PVT1: variants seen among roughly 807,000 people sequenced by gnomAD.
PVT1 encodes the protein CXCR4/PVT1 fusion.
intron 3 of PVT1, among the ~76,000 whole-genome samples, chr8:127,965,178 A>G (rs1235087078): frequency 1.3e-5 from 2 of 152,236 alleles, no homozygotes; most frequent in Non-Finnish European, 2.9e-5. Context: ...TGAGAAATAT[A>G]TACATATTTT....
intron 2 of PVT1, among the ~76,000 whole-genome samples, chr8:127,845,611 A>T (rs900382076): frequency 6.6e-6 from 1 of 152,234 alleles, no homozygotes; most frequent in Non-Finnish European, 1.5e-5. Context: ...AGCAGACTCA[A>T]CATTATTGTC....
At chr8:127,809,052 A>AAAAAAAAAAAAAAAAAAAAAAAAAAAAG (rs1554588311) in intron 2 of PVT1, among the ~76,000 whole-genome samples, 3 of 135,022 alleles carry the variant, frequency 2.2e-5, no homozygotes, top group African/African-American at 6.1e-5. Flanking sequence ...AAAAAAAAAA[A>AAAAAAAAAAAAAAAAAAAAAAAAAAAAG]AAAGAAAGAA....
At position 128,027,716 on chromosome 8, in the gene PVT1, C is replaced by T. The variant is rs1586487671; in HGVS notation, n.912+38425C>T. On this transcript the variant is annotated intron_variant and non_coding_transcript_variant, in intron 4 of 10. Coordinates refer to ENST00000651587, the Ensembl canonical transcript of PVT1. ...AAGGTAGGGGCCCTGGTGTTCTGGC[C>T]CCCAGCTAGGTTCTCAGCACTACTG... Among the ~76,000 whole-genome samples the T allele has an allele frequency of 2.0e-5, 3 of 152,168 alleles. No individual in the cohort carries two copies. In the South Asian group the frequency reaches 6.2e-4, roughly 31 times the overall value.
chr8:127,863,129 C>T (rs952105195), intron 2 of PVT1, among the ~76,000 whole-genome samples: 45 of 123,372 alleles, frequency 3.6e-4, no homozygotes, highest in African/African-American at 6.1e-4. Flanking sequence ...TTTATTTTTC[C>T]GAGACCGTGT....
At chr8:127,932,757 T>TGATA (rs10675634) in intron 3 of PVT1, 290,540 of 344,526 alleles carry the variant, frequency 0.84, 123,173 homozygotes, top group Middle Eastern at 0.95. Context: ...CTCAATAAGC[T>TGATA]GATATATAGT....
intron 3 of PVT1, among the ~76,000 whole-genome samples, chr8:127,907,932 G>A (rs1815842891): frequency 1.3e-5 from 2 of 152,126 alleles, no homozygotes; most frequent in Admixed American, 1.3e-4. Flanking sequence ...CTTCCTGATT[G>A]TGTTTCCCTC....
chr8:127,983,045 T>G (rs1816902602), intron 3 of PVT1, among the ~76,000 whole-genome samples: 1 of 152,218 alleles, frequency 6.6e-6, no homozygotes, highest in South Asian at 2.1e-4. Context: ...GGCTCGGCCT[T>G]ACAGTGCGTG....
Position 127,984,921 on chromosome 8 carries a change from CT to C in PVT1, n.783-4240del, listed in dbSNP as rs1563657661. Reference sequence around the variant, plus strand: ...TCTTTCTTTCTTTCTTTCTTTCTTTCTCTTTCTCTTTCTTTCTTTCTTTCCC... The same window carrying C: ...TCTTTCTTTCTTTCTTTCTTTCTTTCCTTTCTCTTTCTTTCTTTCTTTCCC... On this transcript the variant is annotated intron_variant and non_coding_transcript_variant, in intron 3 of 10. Coordinates refer to ENST00000651587, the Ensembl canonical transcript of PVT1. 1.7e-3 allele frequency among the ~76,000 whole-genome samples: 192 copies of C among 112,294 alleles called. 3 individuals carry two copies. The highest frequency in any genetic ancestry group is 2.5e-3 in the Admixed American group (29 of 11,728). 73.7% of individuals were successfully genotyped at this position (112,294 alleles called of 152,430 possible).
intron 4 of PVT1, among the ~76,000 whole-genome samples, chr8:128,055,939 A>G (rs555360154): frequency 6.6e-6 from 1 of 152,054 alleles, no homozygotes. Flanking sequence ...ACCAACTCCA[A>G]CTCTTGATGG....
intron 4 of PVT1, among the ~76,000 whole-genome samples, chr8:128,055,118 T>C (rs1263436284): frequency 6.6e-6 from 1 of 152,204 alleles, no homozygotes; most frequent in African/African-American, 2.4e-5. Flanking sequence ...CACAATTGTG[T>C]GAGTCAATTC....
intron 3 of PVT1, among the ~76,000 whole-genome samples, chr8:127,964,300 A>AGT (rs1816680084): frequency 6.6e-6 from 1 of 152,250 alleles, no homozygotes. Context: ...TCACTGGTTC[A>AGT]GAAATAGTTC....
chr8:127,994,261 G>A (rs1817078337), intron 4 of PVT1, among the ~76,000 whole-genome samples: 3 of 152,126 alleles, frequency 2.0e-5, no homozygotes. Flanking sequence ...TCTGCTGATG[G>A]GGGCTGTGTT....
chr8:127,995,638 G>T (rs560179950), intron 4 of PVT1, among the ~76,000 whole-genome samples: 1 of 152,176 alleles, frequency 6.6e-6, no homozygotes, highest in African/African-American at 2.4e-5. Flanking sequence ...GGTGATGGTC[G>T]TGTTAGTACT....
intron 4 of PVT1, among the ~76,000 whole-genome samples, chr8:128,024,626 CA>C (rs113302754): frequency 3.1e-4 from 45 of 143,782 alleles, no homozygotes; most frequent in Non-Finnish European, 4.0e-4. Context: ...GACCCTGTCT[CA>C]AAAAAAAAAA....
chr8:128,069,204 A>C (rs930118684), intron 4 of PVT1, among the ~76,000 whole-genome samples: 4 of 152,236 alleles, frequency 2.6e-5, no homozygotes, highest in African/African-American at 4.8e-5. Flanking sequence ...CTAGCTGTTC[A>C]TTGGAAAAAT....
intron 3 of PVT1, among the ~76,000 whole-genome samples, chr8:127,920,117 A>G (rs10097497): frequency 0.29 from 44,060 of 152,084 alleles, 7,278 homozygotes; most frequent in Middle Eastern, 0.45. Context: ...CTAGGACAGC[A>G]AAAGTCATCC....
intron 4 of PVT1, among the ~76,000 whole-genome samples, chr8:128,041,032 G>GT (rs1435505932): frequency 1.3e-5 from 1 of 78,460 alleles, no homozygotes; most frequent in Non-Finnish European, 2.7e-5. Context: ...GTGCTCGTGT[G>GT]TGTTGAGTGC....
At chr8:127,984,761 C>A (rs778957241) in intron 3 of PVT1, among the ~76,000 whole-genome samples, 2 of 152,148 alleles carry the variant, frequency 1.3e-5, no homozygotes. Flanking sequence ...CATACGCCAC[C>A]ATGCCCAGCT....
At chr8:128,071,680 T>C (rs1156710029) in intron 5 of PVT1, among the ~76,000 whole-genome samples, 1 of 53,808 alleles carries the variant, frequency 1.9e-5, no homozygotes, top group African/African-American at 7.2e-5. Flanking sequence ...TTTGAGACTC[T>C]GTCTCTAAAA....
Sources: allele counts gnomAD v4.1 joint callset (sites outside exome capture counted in the v4.1 genomes callset), GRCh38; gene constraint gnomAD v4.1.1; transcripts MANE v1.5; gene names NCBI Gene and HGNC (gene_info 2026-07-23, HGNC 2026-07-21).